Variants in CDH13 observed in about 807,000 individuals in gnomAD.
CDH13 encodes cadherin-13.
CDH13 carries 24 observed loss-of-function variants against 63.8 expected under a neutral mutation model. The observed-to-expected ratio is 0.38, with a 90% CI of 0.27 to 0.53. The LOEUF (loss-of-function observed/expected upper bound fraction) is 0.53. Ranked by LOEUF, CDH13 falls within the 20% of genes least tolerant of loss-of-function variation. The probability of loss-of-function intolerance (pLI) is 0.85; values close to 1 mark genes in which losing one functional copy is unlikely to be tolerated. For synonymous variants in CDH13, 503 were observed against 355.3 expected, an observed-to-expected ratio of 1.42 and a Z score of -4.67; for missense variants, 1,049 against 903.1, an observed-to-expected ratio of 1.16 and a Z score of -2.07.
chr16:83,365,215 C>T (rs1170499982), intron 6 of CDH13, among the ~76,000 whole-genome samples: 4 of 152,196 alleles, frequency 2.6e-5, no homozygotes, highest in Non-Finnish European at 4.4e-5. Flanking sequence ...GTATCATTTC[C>T]AGTCTAAACG....
At chr16:83,181,065 G>A in intron 4 of CDH13, 1 of 1,425,110 alleles carries the variant, frequency 7.0e-7, no homozygotes, top group Non-Finnish European at 9.3e-7. Context: ...ACAGAATGAT[G>A]TGTTTAAATA....
intron 6 of CDH13, among the ~76,000 whole-genome samples, chr16:83,384,350 G>A (rs1424811535): frequency 2.0e-5 from 3 of 152,140 alleles, no homozygotes; most frequent in Non-Finnish European, 4.4e-5. Flanking sequence ...CTACCAGCAG[G>A]CACTGGTCCT....
chr16:83,311,706 A>G (rs763587307), intron 5 of CDH13, among the ~76,000 whole-genome samples: 9 of 152,156 alleles, frequency 5.9e-5, no homozygotes, highest in African/African-American at 1.7e-4. Flanking sequence ...TGTACTCTCT[A>G]TGATATCCAG....
At chr16:83,079,512 A>G (rs1038400191) in intron 3 of CDH13, among the ~76,000 whole-genome samples, 3 of 152,220 alleles carry the variant, frequency 2.0e-5, no homozygotes, top group African/African-American at 7.2e-5. Context: ...AAATGGAAAT[A>G]ATATTTCCAC....
At chr16:83,008,365 G>C (rs1206631902) in intron 2 of CDH13, among the ~76,000 whole-genome samples, 1 of 152,166 alleles carries the variant, frequency 6.6e-6, no homozygotes. Flanking sequence ...GGGGAGCCTT[G>C]GAAATGTGGG....
At chr16:83,429,511 GACACAC>G (rs71148834) in intron 6 of CDH13, among the ~76,000 whole-genome samples, 78 of 149,098 alleles carry the variant, frequency 5.2e-4, no homozygotes, top group African/African-American at 1.7e-3. Flanking sequence ...AGACAATGAA[GACACAC>G]ACACACACAC....
intron 5 of CDH13, among the ~76,000 whole-genome samples, chr16:83,317,273 G>A (rs572859320): frequency 1.3e-5 from 2 of 152,316 alleles, no homozygotes; most frequent in South Asian, 4.1e-4. Context: ...AGGTAGGCAT[G>A]GCATCTTACC....
intron 1 of CDH13, among the ~76,000 whole-genome samples, chr16:82,827,675 A>T (rs527439954): frequency 9.9e-5 from 15 of 152,242 alleles, no homozygotes; most frequent in African/African-American, 3.6e-4. Context: ...AGGACATGGA[A>T]CCTCTGGGGA....
At chr16:82,668,278 TG>T (rs1912841925) in intron 1 of CDH13, among the ~76,000 whole-genome samples, 1 of 152,094 alleles carries the variant, frequency 6.6e-6, no homozygotes, top group African/African-American at 2.4e-5. Flanking sequence ...CCTTCTAGGC[TG>T]GGAAGGCAGA....
intron 1 of CDH13, among the ~76,000 whole-genome samples, chr16:82,634,044 A>G (rs1908349274): frequency 6.6e-6 from 1 of 152,242 alleles, no homozygotes. Flanking sequence ...TCTCATTTCA[A>G]AGACACCAAT....
chr16:83,519,868 G>C (rs1030146073), intron 7 of CDH13, among the ~76,000 whole-genome samples: 10 of 152,042 alleles, frequency 6.6e-5, no homozygotes, highest in Admixed American at 2.0e-4. Flanking sequence ...TTAGAGCTGG[G>C]GGACAAAGGA....
intron 8 of CDH13, among the ~76,000 whole-genome samples, chr16:83,656,402 C>T (rs1732815269): frequency 6.6e-6 from 1 of 152,082 alleles, no homozygotes; most frequent in Admixed American, 6.6e-5. Context: ...CTGTTAGACA[C>T]CCAGAAGCAG....
intron 5 of CDH13, among the ~76,000 whole-genome samples, chr16:83,261,388 A>G (rs2151836118): frequency 6.6e-6 from 1 of 152,234 alleles, no homozygotes; most frequent in Admixed American, 6.5e-5. Flanking sequence ...TGTCTGGATG[A>G]ATTTTTGGTT....
chr16:83,052,794 A>G (rs1484620094), intron 3 of CDH13, among the ~76,000 whole-genome samples: 3 of 149,858 alleles, frequency 2.0e-5, no homozygotes, highest in Non-Finnish European at 4.4e-5. Context: ...AAAAAAAAAA[A>G]AAAAAAAAAA....
intron 7 of CDH13, among the ~76,000 whole-genome samples, chr16:83,515,133 A>T (rs866519423): frequency 6.6e-6 from 1 of 152,080 alleles, no homozygotes; most frequent in Non-Finnish European, 1.5e-5. Context: ...TGGAGACGTC[A>T]TTCCATGTTT....
intron 10 of CDH13, among the ~76,000 whole-genome samples, chr16:83,742,524 C>T (rs554451377): frequency 7.2e-5 from 11 of 152,196 alleles, no homozygotes; most frequent in Admixed American, 7.2e-4. Context: ...GGCCTAGAAG[C>T]ATTGAAAACA....
At chr16:82,900,031 G>C (rs1182700356) in intron 2 of CDH13, among the ~76,000 whole-genome samples, 1 of 152,126 alleles carries the variant, frequency 6.6e-6, no homozygotes, top group Non-Finnish European at 1.5e-5. Context: ...GCCCCATCTT[G>C]ATTGCTCTCT....
chr16:82,875,815 A>C (rs12102366), intron 2 of CDH13, among the ~76,000 whole-genome samples: 431 of 152,336 alleles, frequency 2.8e-3, no homozygotes, highest in African/African-American at 1.0e-2. Context: ...GCTAGGTTAC[A>C]TACGAAGCTG....
intron 2 of CDH13, among the ~76,000 whole-genome samples, chr16:82,993,924 C>A: frequency 6.6e-6 from 1 of 152,262 alleles, no homozygotes; most frequent in Non-Finnish European, 1.5e-5. Flanking sequence ...ATGGAAGAAG[C>A]AAGCACTCCC....
Sources: gnomAD v4.1 joint callset for allele counts (sites outside exome capture counted in the v4.1 genomes callset) on GRCh38, gnomAD v4.1.1 for gene constraint, MANE v1.5 for transcripts, NCBI Gene and HGNC (gene_info 2026-07-23, HGNC 2026-07-21) for gene names.